The following PGLS variants were observed in gnomAD, a reference collection of about 807,000 sequenced individuals.
PGLS encodes the protein 6-phosphogluconolactonase.
In PGLS, 21 loss-of-function variants were observed where a neutral mutation model predicts 23.2. The ratio of observed to expected loss-of-function variants is 0.91; its 90% CI spans 0.64 to 1.31. The LOEUF is 1.31. PGLS is among the 50% of genes most tolerant of loss of function. The probability of loss-of-function intolerance (pLI) is 0.00; values close to 1 mark genes in which losing one functional copy is unlikely to be tolerated. For missense variants in PGLS, 410 were observed against 354.0 expected (o/e 1.16, Z -1.27); for synonymous variants, 179 against 165.4 (o/e 1.08, Z -0.63).
chr19:17,517,512 C>A, intron 3 of PGLS, 123 bp downstream of exon 3: 1 of 952,692 alleles, frequency 1.0e-6, no homozygotes, highest in South Asian at 1.5e-5. Context: ...TCAGCCTCCA[C>A]CAACATACCT....
chr19:17,516,229 C>T lies in PGLS; in HGVS notation c.345C>T (p.Pro115=), dbSNP rs754228330. ...IPESQVITIN[P]ELPVEEAAED... is the part of the protein sequence containing the mutation. ...AAAGCCAGGTGATCACCATTAACCC[C>T]GAGCTGCCTGTGGAGGAGGCGGCTG... is the stretch of plus-strand genomic sequence containing the variant. The change falls in exon 2 of 5, where the codon CCC becomes CCT. Residue 115 remains proline, a synonymous_variant. Coordinates refer to ENST00000252603, the MANE Select transcript of PGLS (RefSeq NM_012088.3). 25 of 1,613,988 alleles carry T rather than the reference C, an allele frequency of 1.5e-5. No homozygotes were observed. The highest frequency in any genetic ancestry group is 2.7e-5 in the African/African-American group (2 of 74,944).
intron 1 of PGLS, chr19:17,512,242 T>C (rs2075512213): frequency 2.2e-6 from 1 of 457,676 alleles, no homozygotes; most frequent in Non-Finnish European, 3.9e-6. Context: ...GCCCACTGCC[T>C]GCACCTCGAC....
In PGLS at chr19:17,515,887, G is replaced by A. The variant is rs112392713; in HGVS notation, c.289-286G>A. The A allele has an allele frequency of 5.5e-5, 17 of 308,110 alleles. No individual in the cohort carries two copies. In the East Asian group the frequency reaches 9.9e-4, roughly 18 times the overall value. The allele number at this position is 308,110 out of a possible 1,614,324, so 19.1% of individuals were successfully genotyped here. ...ATTCACCCAGGAGGGCCACCCTCCC[G>A]TCCAGCCCCCCAAGAGCAGCAGGGC... On this transcript the variant is annotated intron_variant, in intron 1 of 4. Coordinates refer to ENST00000252603, the MANE Select transcript of PGLS (RefSeq NM_012088.3).
At chr19:17,519,648 C>T (rs2075548514) in intron 4 of PGLS, among the ~76,000 whole-genome samples, 1 of 152,048 alleles carries the variant, frequency 6.6e-6, no homozygotes, top group South Asian at 2.1e-4. Context: ...GATCCGCCCC[C>T]CTCGGCCTCC....
Position 17,511,663 on chromosome 19 carries a change from C to A in PGLS, c.-10C>A. ...GGGAGCGCTTCCTCCTCCCCGCCGCCGCCCTCGCCATGGCCGCGCCGGCCC... is the reference window on the plus strand; with the variant it reads ...GGGAGCGCTTCCTCCTCCCCGCCGCAGCCCTCGCCATGGCCGCGCCGGCCC... On this transcript the variant is annotated 5_prime_UTR_variant, in exon 1 of 5. Transcript: ENST00000252603. 4.1e-6 allele frequency: 6 copies of A among 1,471,752 alleles called. No homozygotes were observed. The highest frequency in any genetic ancestry group is 5.4e-6 in the Non-Finnish European group (6 of 1,121,232). The allele number at this position is 1,471,752 out of a possible 1,614,324, so 91.2% of individuals were successfully genotyped here. A position where few individuals can be genotyped will look rare whatever the true frequency, so the allele number is the denominator to read the frequency against.
At chr19:17,520,235 A>G (rs1289207193) in intron 4 of PGLS, among the ~76,000 whole-genome samples, 2 of 151,644 alleles carry the variant, frequency 1.3e-5, no homozygotes, top group African/African-American at 4.8e-5. Flanking sequence ...ATATGGTGAA[A>G]CCCCGTCTCT....
chr19:17,521,160 C>G lies in PGLS; in HGVS notation c.*79C>G. The G allele has an allele frequency of 7.1e-7, 1 of 1,401,624 alleles. No homozygotes were observed. The highest frequency in any genetic ancestry group is 9.5e-7 in the Non-Finnish European group (1 of 1,056,828). 86.8% of individuals were successfully genotyped at this position (1,401,624 alleles called of 1,614,324 possible). A position where few individuals can be genotyped will look rare whatever the true frequency, so the allele number is the denominator to read the frequency against. ...CCCCTGCTGGCCGCCACTCTCCGGG[C>G]TCTCCTTTCAAAAAGCCACGTCGTG... On this transcript the variant is annotated 3_prime_UTR_variant, in exon 5 of 5. Coordinates refer to ENST00000252603, the MANE Select transcript of PGLS (RefSeq NM_012088.3).
In PGLS at chr19:17,516,191, C is replaced by T. The variant is rs1198315736; in HGVS notation, c.307C>T (p.Leu103=). 1.9e-6 allele frequency: 3 copies of T among 1,613,816 alleles called. No individual in the cohort carries two copies. The African/African-American group carries it at 4.0e-5, about 22-fold the overall frequency. ...GCTGCAGACGCATCTTCTCTCCAGACTGCCGATCCCAGAAAGCCAGGTGAT... is the reference window on the plus strand; with the variant it reads ...GCTGCAGACGCATCTTCTCTCCAGATTGCCGATCCCAGAAAGCCAGGTGAT... The part of the protein sequence containing the change: ...GLYRTHLLSR[L]PIPESQVITI... Residue 103 remains leucine (L), a synonymous_variant, in exon 2 of 5, where the codon CTG becomes TTG. Transcript: ENST00000252603.
At chr19:17,518,610 A>G (rs1448780646) in intron 4 of PGLS, 1 of 152,068 alleles carries the variant, frequency 6.6e-6, no homozygotes, top group Non-Finnish European at 1.5e-5. Flanking sequence ...AGCTCGCTAC[A>G]ATCTCTACCT....
intron 2 of PGLS, among the ~76,000 whole-genome samples, chr19:17,516,788 C>T (rs191361498): frequency 0.026 from 3,939 of 150,514 alleles, 178 homozygotes; most frequent in African/African-American, 0.091. Context: ...GGGGTTTCAC[C>T]ATGTTAGCCA....
chr19:17,515,275 C>A (rs2075527300), intron 1 of PGLS, among the ~76,000 whole-genome samples: 2 of 152,138 alleles, frequency 1.3e-5, no homozygotes, highest in Non-Finnish European at 2.9e-5. Flanking sequence ...CTCCTCAGGT[C>A]AGCATTCAGG....
intron 3 of PGLS, 114 bp from the exon 4 acceptor site, chr19:17,517,596 A>T (rs1293441041): frequency 6.6e-6 from 8 of 1,215,808 alleles, no homozygotes; most frequent in Non-Finnish European, 9.4e-6. Flanking sequence ...CCACCATGGG[A>T]TTGTTAGTAG....
intron 4 of PGLS, chr19:17,518,597 C>G (rs1055222938): frequency 6.6e-6 from 1 of 151,982 alleles, no homozygotes; most frequent in African/African-American, 2.4e-5. Context: ...CTGATGTGAC[C>G]TCAGCTCGCT....
At position 17,511,781 on chromosome 19, in the gene PGLS, G is replaced by A. The variant is rs1477027102; in HGVS notation, c.109G>A (p.Ala37Thr). The change falls in exon 1 of 5, where the codon GCC becomes ACC. Residue 37 changes from alanine (A) to threonine (T), a missense_variant. By Grantham distance (58) the Ala-to-Thr change is moderately conservative. Coordinates refer to ENST00000252603, the MANE Select transcript of PGLS (RefSeq NM_012088.3). ...AQRAACCLAG[A>T]RARFALGLSG... is the part of the protein sequence containing the mutation. ...GCGCGCAGCATGCTGCCTGGCAGGG[G>A]CCCGCGCCCGTTTCGCGCTCGGCCT... is the stretch of plus-strand genomic sequence containing the variant. 6.7e-7 allele frequency: 1 copy of A among 1,497,144 alleles called. No homozygotes were observed. The highest frequency in any genetic ancestry group is 1.3e-5 in the South Asian group (1 of 79,724). The allele number at this position is 1,497,144 out of a possible 1,614,324, so 92.7% of individuals were successfully genotyped here. A position where few individuals can be genotyped will look rare whatever the true frequency, so the allele number is the denominator to read the frequency against.
At chr19:17,515,400 A>G in intron 1 of PGLS, among the ~76,000 whole-genome samples, 1 of 151,988 alleles carries the variant, frequency 6.6e-6, no homozygotes, top group South Asian at 2.1e-4. Context: ...AGAGCAGACC[A>G]GGGCCCCTGG....
In PGLS at chr19:17,511,806, T is replaced by G. The variant is rs2075507891; in HGVS notation, c.134T>G (p.Leu45Arg). The change falls in exon 1 of 5, where the codon CTG becomes CGG. Residue 45 changes from leucine (L) to arginine (R), a missense_variant. By Grantham distance (102) the Leu-to-Arg change is moderately radical (BLOSUM62 -2). Transcript: ENST00000252603. ...AGARARFALG[L>R]SGGSLVSMLA... ...GCCCGCGCCCGTTTCGCGCTCGGCC[T>G]GTCGGGCGGGAGCCTCGTCTCGATG... The G allele has an allele frequency of 6.6e-7, 1 of 1,505,842 alleles. No homozygotes were observed. The highest frequency in any genetic ancestry group is 8.8e-7 in the Non-Finnish European group (1 of 1,132,364). The allele number at this position is 1,505,842 out of a possible 1,614,324, so 93.3% of individuals were successfully genotyped here.
chr19:17,515,993 G>A (rs2075530531), intron 1 of PGLS, 180 bp from the exon 2 acceptor site: 9 of 532,998 alleles, frequency 1.7e-5, no homozygotes, highest in South Asian at 1.7e-4. Flanking sequence ...GCATTCCAGA[G>A]GTGACTCACC....
chr19:17,521,229 G>C lies in PGLS; in HGVS notation c.*148G>C. ...AGCCTCCGGCCAGCAGCCCTACCCGGGGCTCAACACACAGGCTGTGGCTCT... is the reference window on the plus strand; with the variant it reads ...AGCCTCCGGCCAGCAGCCCTACCCGCGGCTCAACACACAGGCTGTGGCTCT... On this transcript the variant is annotated 3_prime_UTR_variant, in exon 5 of 5. Transcript: ENST00000252603. 2 of 736,884 alleles carry C rather than the reference G, an allele frequency of 2.7e-6. No individual in the cohort carries two copies. Among genetic ancestry groups the C allele is most frequent in the African/African-American group, 1.8e-5 (1 of 55,666 alleles). 45.6% of individuals were successfully genotyped at this position (736,884 alleles called of 1,614,324 possible).
intron 1 of PGLS, among the ~76,000 whole-genome samples, chr19:17,515,349 C>T (rs77487659): frequency 0.052 from 7,864 of 152,250 alleles, 356 homozygotes; most frequent in East Asian, 0.2. Context: ...CTGAGCTAGA[C>T]TCTGCACAAA....
Sources: gnomAD v4.1 joint callset for allele counts (sites outside exome capture counted in the v4.1 genomes callset) on GRCh38, gnomAD v4.1.1 for gene constraint, MANE v1.5 for transcripts, NCBI Gene and HGNC (gene_info 2026-07-23, HGNC 2026-07-21) for gene names.